ETV6: variants seen among roughly 807,000 people sequenced by gnomAD.
The protein encoded by ETV6 is ETS variant transcription factor 6.
ETV6 carries 16 observed loss-of-function variants against 51.1 expected under a neutral mutation model. That is an observed-to-expected ratio of 0.31 (90% CI 0.21 to 0.48). The LOEUF (loss-of-function observed/expected upper bound fraction) is 0.48. Ranked by LOEUF, ETV6 falls within the 20% of genes least tolerant of loss-of-function variation. ETV6 has a pLI of 0.99. For missense variants in ETV6, 458 were observed against 594.8 expected (o/e 0.77, Z 2.39); for synonymous variants, 240 against 224.1 (o/e 1.07, Z -0.64).
chr12:11,758,638 G>GA (rs1277367876), intron 2 of ETV6, among the ~76,000 whole-genome samples: 9 of 152,110 alleles, frequency 5.9e-5, no homozygotes, highest in African/African-American at 1.9e-4. Context: ...CTGAATCTGT[G>GA]AATCTCCTTC....
chr12:11,675,717 G>A (rs933494498), intron 1 of ETV6, among the ~76,000 whole-genome samples: 1 of 152,126 alleles, frequency 6.6e-6, no homozygotes, highest in African/African-American at 2.4e-5. Context: ...AGGAGGCTGG[G>A]GCAGTAGGAT....
intron 1 of ETV6, among the ~76,000 whole-genome samples, chr12:11,713,650 T>A (rs1486709109): frequency 3.3e-5 from 5 of 152,160 alleles, no homozygotes; most frequent in African/African-American, 4.8e-5. Context: ...AGAAAATAAA[T>A]AAAATGATAT....
intron 1 of ETV6, among the ~76,000 whole-genome samples, chr12:11,669,803 AT>A (rs1410908586): frequency 6.6e-6 from 1 of 152,114 alleles, no homozygotes. Flanking sequence ...ATTCATTCGT[AT>A]TCCCAAAATA....
At chr12:11,790,100 C>CTTT (rs35109718) in intron 2 of ETV6, among the ~76,000 whole-genome samples, 7 of 147,794 alleles carry the variant, frequency 4.7e-5, no homozygotes, top group African/African-American at 1.2e-4. Context: ...GTCAGCACTT[C>CTTT]TTTTTTTTTT....
intron 4 of ETV6, among the ~76,000 whole-genome samples, chr12:11,867,127 G>C (rs1325288451): frequency 6.6e-6 from 1 of 152,170 alleles, no homozygotes; most frequent in Non-Finnish European, 1.5e-5. Context: ...GTCTGCCCTT[G>C]ATACCTTCAA....
At chr12:11,778,860 T>C (rs1945372501) in intron 2 of ETV6, among the ~76,000 whole-genome samples, 1 of 152,248 alleles carries the variant, frequency 6.6e-6, no homozygotes, top group South Asian at 2.1e-4. Flanking sequence ...GACACATTAT[T>C]CGTTTGTAAA....
At chr12:11,843,591 T>C (rs1172365756) in intron 3 of ETV6, among the ~76,000 whole-genome samples, 1 of 152,178 alleles carries the variant, frequency 6.6e-6, no homozygotes, top group Non-Finnish European at 1.5e-5. Flanking sequence ...TCTCTATATA[T>C]GGAAACAACA....
At chr12:11,805,028 C>A (rs1029827432) in intron 2 of ETV6, among the ~76,000 whole-genome samples, 1 of 152,172 alleles carries the variant, frequency 6.6e-6, no homozygotes, top group African/African-American at 2.4e-5. Flanking sequence ...ACTTGGCGTT[C>A]TCAGATTCAT....
At chr12:11,688,693 G>A (rs886089976) in intron 1 of ETV6, among the ~76,000 whole-genome samples, 21 of 152,270 alleles carry the variant, frequency 1.4e-4, no homozygotes, top group Non-Finnish European at 2.6e-4. Context: ...TAGGGCAACC[G>A]TAGAAACCCC....
chr12:11,789,811 T>C (rs989952297), intron 2 of ETV6, among the ~76,000 whole-genome samples: 1 of 152,226 alleles, frequency 6.6e-6, no homozygotes, highest in Non-Finnish European at 1.5e-5. Flanking sequence ...TTTAATCTTT[T>C]GCATAAACCT....
chr12:11,804,944 C>G (rs1249316729), intron 2 of ETV6, among the ~76,000 whole-genome samples: 1 of 152,138 alleles, frequency 6.6e-6, no homozygotes, highest in East Asian at 1.9e-4. Context: ...TATGATGGCA[C>G]TTGAGCTTTT....
At chr12:11,798,626 A>G (rs1167898640) in intron 2 of ETV6, among the ~76,000 whole-genome samples, 1 of 152,252 alleles carries the variant, frequency 6.6e-6, no homozygotes, top group East Asian at 1.9e-4. Flanking sequence ...AAGAAACAGC[A>G]GAAAAAATGT....
chr12:11,878,842 AC>A (rs1565564804), intron 5 of ETV6, among the ~76,000 whole-genome samples: 4 of 149,930 alleles, frequency 2.7e-5, no homozygotes, highest in South Asian at 4.3e-4. Context: ...AAAAAAAAAA[AC>A]AAGCAGCAGA....
intron 2 of ETV6, among the ~76,000 whole-genome samples, chr12:11,771,257 C>G (rs1429889867): frequency 6.6e-6 from 1 of 152,216 alleles, no homozygotes; most frequent in Non-Finnish European, 1.5e-5. Context: ...AATTTTGTTT[C>G]TTTGGTCAAC....
chr12:11,891,549 T>C lies in ETV6; in HGVS notation c.*503T>C, dbSNP rs1465251678. 2 of 535,504 alleles carry C rather than the reference T, an allele frequency of 3.7e-6. No individual in the cohort carries two copies. Among genetic ancestry groups the C allele is most frequent in the Admixed American group, 2.2e-5 (1 of 44,906 alleles). The allele number at this position is 535,504 out of a possible 1,614,324, so 33.2% of individuals were successfully genotyped here. A position where few individuals can be genotyped will look rare whatever the true frequency, so the allele number is the denominator to read the frequency against. On this transcript the variant is annotated 3_prime_UTR_variant, in exon 8 of 8. Transcript: ENST00000396373. Reference sequence around the variant, plus strand: ...CTTGCAGAGGGGTTCAGGTTCCTCTTTTTCCTGCCACGTGGATCAGGTCTG... The same window carrying C: ...CTTGCAGAGGGGTTCAGGTTCCTCTCTTTCCTGCCACGTGGATCAGGTCTG...
At chr12:11,652,525 G>A (rs143525942) in intron 1 of ETV6, among the ~76,000 whole-genome samples, 102 of 152,296 alleles carry the variant, frequency 6.7e-4, no homozygotes, top group African/African-American at 2.3e-3. Context: ...GGTTTTCAAG[G>A]ATGAGCTGAT....
chr12:11,746,282 T>A (rs1865906878), intron 1 of ETV6, among the ~76,000 whole-genome samples: 1 of 152,194 alleles, frequency 6.6e-6, no homozygotes, highest in African/African-American at 2.4e-5. Flanking sequence ...TTCAGAGAAG[T>A]AAAGTTAGAT....
At chr12:11,844,001 C>T (rs768916996) in intron 3 of ETV6, among the ~76,000 whole-genome samples, 1 of 151,664 alleles carries the variant, frequency 6.6e-6, no homozygotes, top group African/African-American at 2.4e-5. Flanking sequence ...AATAATTTTA[C>T]AAAGACCTTG....
At chr12:11,650,487 A>AAC (rs1555109489) in intron 1 of ETV6, among the ~76,000 whole-genome samples, 15 of 61,176 alleles carry the variant, frequency 2.5e-4, no homozygotes, top group African/African-American at 6.1e-4. Context: ...CGCTTAAAAA[A>AAC]AAAAAAAACA....
Sources: gnomAD v4.1 joint callset for allele counts (sites outside exome capture counted in the v4.1 genomes callset) on GRCh38, gnomAD v4.1.1 for gene constraint, MANE v1.5 for transcripts, NCBI Gene and HGNC (gene_info 2026-07-23, HGNC 2026-07-21) for gene names.